Variants in NECAB1 observed in about 807,000 individuals in gnomAD.
NECAB1 encodes the protein N-terminal EF-hand calcium-binding protein 1.
A neutral mutation model predicts 57.5 loss-of-function variants in NECAB1; 29 were observed. The observed-to-expected ratio is 0.50, with a 90% confidence interval of 0.38 to 0.69. The LOEUF (loss-of-function observed/expected upper bound fraction) is 0.69. Among genes scored for constraint, NECAB1 ranks in the 30% least tolerant of loss-of-function variants. NECAB1 has a pLI of 0.00. For missense variants in NECAB1, 372 were observed against 413.8 expected, an observed-to-expected ratio of 0.90 and a Z score of 0.88; for synonymous variants, 142 against 147.7, an observed-to-expected ratio of 0.96 and a Z score of 0.28.
intron 3 of NECAB1, among the ~76,000 whole-genome samples, chr8:90,846,455 A>C (rs1162842156): frequency 6.6e-6 from 1 of 152,202 alleles, no homozygotes; most frequent in Non-Finnish European, 1.5e-5. Flanking sequence ...ACTTTGCTTG[A>C]TCTCTGTTTA....
Position 90,917,616 on chromosome 8 carries a change from C to T in NECAB1, c.482C>T (p.Thr161Ile). 1 of 1,608,470 alleles carries T rather than the reference C, an allele frequency of 6.2e-7. No homozygotes were observed. The highest frequency in any genetic ancestry group is 1.3e-5 in the African/African-American group (1 of 74,660). The change falls in exon 6 of 13, where the codon ACC (threonine) becomes ATC (isoleucine). Residue 161 changes from threonine to isoleucine, a missense_variant. Coordinates refer to ENST00000417640, the MANE Select transcript of NECAB1 (RefSeq NM_022351.5). ...GCCATGGAAACTACTGAGGAGCAAA[C>T]CCGTCAAGAAAGGCAATTTACATGT... The part of the protein sequence containing the change: ...ECAMETTEEQ[T>I]RQERQGPAKP...
At chr8:90,912,677 T>A (rs1315369163) in intron 5 of NECAB1, among the ~76,000 whole-genome samples, 2 of 151,966 alleles carry the variant, frequency 1.3e-5, no homozygotes, top group African/African-American at 4.8e-5. Context: ...AGCCAGTTCT[T>A]TATTTTTGTA....
intron 1 of NECAB1, among the ~76,000 whole-genome samples, chr8:90,796,451 T>C (rs1185267168): frequency 1.3e-5 from 2 of 152,244 alleles, no homozygotes; most frequent in Non-Finnish European, 2.9e-5. Context: ...CTTAGAAATA[T>C]TAGTTCAGTA....
intron 1 of NECAB1, 37 bp downstream of exon 1, chr8:90,792,022 C>A: frequency 6.7e-7 from 1 of 1,500,430 alleles, no homozygotes; most frequent in East Asian, 2.5e-5. Context: ...GGTTGCTTCC[C>A]AGCACCTTTC....
intron 1 of NECAB1, among the ~76,000 whole-genome samples, chr8:90,792,900 C>G (rs879430800): frequency 1.3e-5 from 2 of 152,120 alleles, no homozygotes; most frequent in African/African-American, 2.4e-5. Flanking sequence ...TCCAGGCTCT[C>G]CCAGCCCCTC....
intron 7 of NECAB1, among the ~76,000 whole-genome samples, chr8:90,927,523 C>A (rs980998256): frequency 6.6e-6 from 1 of 151,814 alleles, no homozygotes; most frequent in Non-Finnish European, 1.5e-5. Context: ...TGCACAGGCT[C>A]AGATCATAAC....
chr8:90,902,532 G>C (rs780307675), intron 5 of NECAB1, among the ~76,000 whole-genome samples: 5 of 152,034 alleles, frequency 3.3e-5, no homozygotes, highest in Non-Finnish European at 7.4e-5. Flanking sequence ...CTTCATGTGT[G>C]TATAACACAC....
At chr8:90,843,420 G>T (rs1210331408) in intron 3 of NECAB1, among the ~76,000 whole-genome samples, 1 of 152,174 alleles carries the variant, frequency 6.6e-6, no homozygotes, top group Non-Finnish European at 1.5e-5. Flanking sequence ...ATCTTTTTAT[G>T]CTTTCTCCTT....
intron 4 of NECAB1, among the ~76,000 whole-genome samples, chr8:90,875,134 A>T (rs1808691790): frequency 6.6e-6 from 1 of 152,066 alleles, no homozygotes; most frequent in Admixed American, 6.5e-5. Flanking sequence ...TGTTTTCATA[A>T]CCTTACTCAT....
In NECAB1 at chr8:90,890,929, T is replaced by C. The variant is rs560013817; in HGVS notation, c.357+9799T>C. On this transcript the variant is annotated intron_variant, in intron 5 of 12. Transcript: ENST00000417640. Reference sequence around the variant, plus strand: ...TCATAAGAAAGGTTTAAACAACATGTGGTAAGACTAATAAATAGGAAAGCA... The same window carrying C: ...TCATAAGAAAGGTTTAAACAACATGCGGTAAGACTAATAAATAGGAAAGCA... Among the ~76,000 whole-genome samples, 3 of 152,318 alleles carry C rather than the reference T, an allele frequency of 2.0e-5. 1 individual carries two copies. The South Asian group carries it at 6.2e-4, about 32-fold the overall frequency.
At chr8:90,835,388 T>A (rs1329616841) in intron 3 of NECAB1, among the ~76,000 whole-genome samples, 1 of 152,116 alleles carries the variant, frequency 6.6e-6, no homozygotes, top group African/African-American at 2.4e-5. Flanking sequence ...GAACTCAGAC[T>A]TGCCAGGCTT....
rs1799092356 is a variant in NECAB1, at chr8:90,931,015, A to G, written c.693+2716A>G. Among the ~76,000 whole-genome samples, 5 of 41,810 alleles carry G rather than the reference A, an allele frequency of 1.2e-4. No homozygotes were observed. The Admixed American group carries it at 1.3e-3, about 11-fold the overall frequency. The allele number at this position is 41,810 out of a possible 152,430, so 27.4% of individuals were successfully genotyped here. A position where few individuals can be genotyped will look rare whatever the true frequency, so the allele number is the denominator to read the frequency against. Reference sequence around the variant, plus strand: ...ATTTTTAAAGGAATGGCTCAAACTTATGCCTTTTTTTCTAACTTTAAATCA... The same window carrying G: ...ATTTTTAAAGGAATGGCTCAAACTTGTGCCTTTTTTTCTAACTTTAAATCA... On this transcript the variant is annotated intron_variant, in intron 8 of 12. Transcript: ENST00000417640.
At chr8:90,848,711 G>A (rs148248039) in intron 3 of NECAB1, among the ~76,000 whole-genome samples, 405 of 152,264 alleles carry the variant, frequency 2.7e-3, no homozygotes, top group Non-Finnish European at 3.4e-3. Context: ...CAGTCCAAGT[G>A]CAATGGCTCA....
Position 90,791,796 on chromosome 8 carries a change from G to A in NECAB1, c.-91G>A. ...CACCCTCCCGGATCCAGAGCCCGGC[G>A]GCGGCGAAGCAGCAGCTGCGGCCGC... On this transcript the variant is annotated 5_prime_UTR_variant, in exon 1 of 13. Coordinates refer to ENST00000417640, the MANE Select transcript of NECAB1 (RefSeq NM_022351.5). 1 of 1,002,302 alleles carries A rather than the reference G, an allele frequency of 1.0e-6. No homozygotes were observed. The highest frequency in any genetic ancestry group is 1.5e-6 in the Non-Finnish European group (1 of 674,220). The allele number at this position is 1,002,302 out of a possible 1,614,324, so 62.1% of individuals were successfully genotyped here.
chr8:90,828,343 C>T (rs1812255879), intron 3 of NECAB1, among the ~76,000 whole-genome samples: 1 of 151,964 alleles, frequency 6.6e-6, no homozygotes, highest in Admixed American at 6.6e-5. Context: ...GTTTTTAGTG[C>T]ATTTCAAAAC....
intron 10 of NECAB1, among the ~76,000 whole-genome samples, chr8:90,946,306 C>G (rs1810803463): frequency 6.6e-6 from 1 of 152,210 alleles, no homozygotes; most frequent in African/African-American, 2.4e-5. Context: ...TTTCCTAACT[C>G]TTTGTCAGAG....
Position 90,954,257 on chromosome 8 carries a change from G to A in NECAB1, c.1031-1230G>A, listed in dbSNP as rs569723447. On this transcript the variant is annotated intron_variant, in intron 12 of 12. Transcript: ENST00000417640. ...TGGTAAGATTGCTTTTTATGGTTAA[G>A]ACTACTAAGTGGTTTACCTAAGATA... Among the ~76,000 whole-genome samples, 3 of 152,048 alleles carry A rather than the reference G, an allele frequency of 2.0e-5. 1 individual carries two copies. In the South Asian group the frequency reaches 6.2e-4, roughly 32 times the overall value.
At position 90,956,363 on chromosome 8, in the gene NECAB1, T is replaced by C. The variant is rs1811032419; in HGVS notation, c.*851T>C. On this transcript the variant is annotated 3_prime_UTR_variant, in exon 13 of 13. Transcript: ENST00000417640. ...CAATGATTTCAAAATACTTGAAAAATAAAATTTTAACCCAAATGAATAACT... is the reference window on the plus strand; with the variant it reads ...CAATGATTTCAAAATACTTGAAAAACAAAATTTTAACCCAAATGAATAACT... The C allele has an allele frequency of 1.3e-5, 2 of 151,806 alleles. No individual in the cohort carries two copies. The highest frequency in any genetic ancestry group is 4.8e-5 in the African/African-American group (2 of 41,342). 9.4% of individuals were successfully genotyped at this position (151,806 alleles called of 1,614,324 possible).
At chr8:90,923,398 T>A (rs907949706) in intron 6 of NECAB1, among the ~76,000 whole-genome samples, 1 of 152,138 alleles carries the variant, frequency 6.6e-6, no homozygotes, top group African/African-American at 2.4e-5. Context: ...AGACTCCAGT[T>A]GGGGCGTGCT....
Sources: gnomAD v4.1 joint callset for allele counts (sites outside exome capture counted in the v4.1 genomes callset) on GRCh38, gnomAD v4.1.1 for gene constraint, MANE v1.5 for transcripts, NCBI Gene and HGNC (gene_info 2026-07-23, HGNC 2026-07-21) for gene names.